SYNE2: variants seen among roughly 807,000 people sequenced by gnomAD.
The protein encoded by SYNE2 is nesprin-2.
A neutral mutation model predicts 856.3 loss-of-function variants in SYNE2; 431 were observed. That is an observed-to-expected ratio of 0.50 (90% confidence interval 0.47 to 0.55). The LOEUF is 0.55. Ranked by LOEUF, SYNE2 falls within the 20% of genes least tolerant of loss-of-function variation. SYNE2 has a pLI of 0.00. For synonymous variants in SYNE2, 2,923 were observed against 2,872.3 expected (o/e 1.02, Z -0.56); for missense variants, 8,129 against 8,023.2 (o/e 1.01, Z -0.50).
chr14:63,774,688 C>T (rs1367608391), intron 1 of SYNE2, among the ~76,000 whole-genome samples: 3 of 151,800 alleles, frequency 2.0e-5, no homozygotes, highest in East Asian at 3.9e-4. Context: ...ATGTGCATTA[C>T]TACACTTGGC....
intron 45 of SYNE2, among the ~76,000 whole-genome samples, chr14:64,035,515 ATTTTTT>A (rs35030710): frequency 3.3e-5 from 4 of 121,712 alleles, no homozygotes; most frequent in Non-Finnish European, 5.0e-5. Context: ...TACATGGTAC[ATTTTTT>A]TTTTTTTTTT....
chr14:63,941,848 A>AT, intron 4 of SYNE2, 37 bp from the exon 5 acceptor site: 1 of 1,612,126 alleles, frequency 6.2e-7, no homozygotes, highest in Middle Eastern at 1.7e-4. Context: ...TATGTATTTC[A>AT]TTTTTTCTGA....
At chr14:64,083,521 T>C (rs999159218) in intron 57 of SYNE2, among the ~76,000 whole-genome samples, 15 of 152,176 alleles carry the variant, frequency 9.9e-5, no homozygotes, top group African/African-American at 3.6e-4. Context: ...ACATTCTAAA[T>C]TGCTAGACTT....
chr14:64,115,550 T>C (rs2097847866), intron 66 of SYNE2, among the ~76,000 whole-genome samples: 1 of 152,072 alleles, frequency 6.6e-6, no homozygotes. Flanking sequence ...CTGGCAGATG[T>C]TGGGTGCAGT....
At chr14:64,163,005 G>A (rs750911158) in intron 88 of SYNE2, among the ~76,000 whole-genome samples, 1 of 152,198 alleles carries the variant, frequency 6.6e-6, no homozygotes, top group Non-Finnish European at 1.5e-5. Context: ...TATAGTTTCT[G>A]CACGTGAATC....
At position 64,080,543 on chromosome 14, in the gene SYNE2, C is replaced by T; in HGVS notation, c.11251C>T (p.Gln3751Ter). Residue 3751 changes from glutamine (Q) to a stop codon, truncating the protein, a stop_gained, in exon 56 of 116, where the codon CAG becomes TAG. Coordinates refer to ENST00000555002, the MANE Select transcript of SYNE2 (RefSeq NM_182914.3). LOFTEE classifies it high-confidence loss of function. ...VQDIVEQDPG[Q>*]AQEWMDNLMI... ...GGACATTGTTGAACAGGACCCAGGA[C>T]AGGCTCAAGAATGGATGGATAACTT... 6.2e-7 allele frequency: 1 copy of T among 1,614,166 alleles called. No homozygotes were observed. The highest frequency in any genetic ancestry group is 8.5e-7 in the Non-Finnish European group (1 of 1,180,036).
intron 1 of SYNE2, among the ~76,000 whole-genome samples, chr14:63,775,065 C>G (rs1887060769): frequency 6.6e-6 from 1 of 152,156 alleles, no homozygotes; most frequent in Non-Finnish European, 1.5e-5. Flanking sequence ...CAACCTCCAC[C>G]TCTTGGGTTC....
chr14:64,216,004 G>C, intron 107 of SYNE2: 1 of 1,428,966 alleles, frequency 7.0e-7, no homozygotes, highest in Non-Finnish European at 9.2e-7. Flanking sequence ...GCTCCAAAAC[G>C]CCACTCATCC....
At chr14:64,136,643 C>T (rs1404305807) in intron 78 of SYNE2, among the ~76,000 whole-genome samples, 2 of 152,130 alleles carry the variant, frequency 1.3e-5, no homozygotes, top group Non-Finnish European at 2.9e-5. Context: ...CAAAGAATTT[C>T]ATTTTTCTTT....
chr14:63,802,771 C>T (rs938346129), intron 1 of SYNE2, among the ~76,000 whole-genome samples: 6 of 152,178 alleles, frequency 3.9e-5, no homozygotes, highest in Admixed American at 3.3e-4. Flanking sequence ...TTCGTGGTCT[C>T]GCTGGCTCAG....
chr14:64,151,412 A>G (rs2098240682), intron 84 of SYNE2, among the ~76,000 whole-genome samples: 1 of 126,692 alleles, frequency 7.9e-6, no homozygotes, highest in Non-Finnish European at 1.6e-5. Flanking sequence ...TGATTCTTAC[A>G]AAGGATTTAA....
intron 89 of SYNE2, among the ~76,000 whole-genome samples, chr14:64,164,473 T>C (rs941367933): frequency 2.6e-5 from 4 of 152,172 alleles, no homozygotes; most frequent in African/African-American, 7.2e-5. Context: ...GGTCTTGAAC[T>C]CCTGGCCTCA....
intron 1 of SYNE2, among the ~76,000 whole-genome samples, chr14:63,859,351 T>G (rs1375297016): frequency 6.6e-6 from 1 of 152,198 alleles, no homozygotes; most frequent in East Asian, 1.9e-4. Context: ...TATTTTTCCC[T>G]TCTACTTTTG....
intron 94 of SYNE2, among the ~76,000 whole-genome samples, chr14:64,172,237 C>A (rs143849305): frequency 6.6e-6 from 1 of 152,220 alleles, no homozygotes; most frequent in African/African-American, 2.4e-5. Flanking sequence ...ACTTACCTAT[C>A]GCTGCATAAT....
At chr14:64,127,304 G>A (rs1160490312) in intron 73 of SYNE2, among the ~76,000 whole-genome samples, 2 of 152,010 alleles carry the variant, frequency 1.3e-5, no homozygotes, top group African/African-American at 2.4e-5. Flanking sequence ...ACCGAGCGTA[G>A]TAGCTCATGC....
In SYNE2 at chr14:64,138,959, G is replaced by A. The variant is rs1436629764; in HGVS notation, c.14843+976G>A. Reference sequence around the variant, plus strand: ...GTGTGTATGTATGGTGTGTGTGTGTGTGTGTGTGTGTGTGTGTGTGTATGT... The same window carrying A: ...GTGTGTATGTATGGTGTGTGTGTGTATGTGTGTGTGTGTGTGTGTGTATGT... On this transcript the variant is annotated intron_variant, in intron 79 of 115. Coordinates refer to ENST00000555002, the MANE Select transcript of SYNE2 (RefSeq NM_182914.3). Among the ~76,000 whole-genome samples the A allele has an allele frequency of 1.0e-4, 12 of 116,822 alleles. No homozygotes were observed. The East Asian group carries it at 5.4e-3, about 53-fold the overall frequency. 76.6% of individuals were successfully genotyped at this position (116,822 alleles called of 152,430 possible).
chr14:64,088,552 T>C (rs796852499), intron 58 of SYNE2, among the ~76,000 whole-genome samples: 25 of 152,296 alleles, frequency 1.6e-4, no homozygotes, highest in African/African-American at 5.5e-4. Flanking sequence ...AGAAGGATAA[T>C]GTGAGCACAG....
intron 11 of SYNE2, among the ~76,000 whole-genome samples, chr14:63,970,151 G>A (rs1207026008): frequency 6.6e-6 from 1 of 151,656 alleles, no homozygotes; most frequent in East Asian, 1.9e-4. Context: ...CTCTATAAAT[G>A]ACACCGTTGT....
chr14:64,005,552 C>T (rs1028105223), intron 30 of SYNE2, among the ~76,000 whole-genome samples: 2 of 152,090 alleles, frequency 1.3e-5, no homozygotes, highest in African/African-American at 4.8e-5. Context: ...GAGTAAGAAC[C>T]GAGTTACCAT....
Sources: gnomAD v4.1 joint callset for allele counts (sites outside exome capture counted in the v4.1 genomes callset) on GRCh38, gnomAD v4.1.1 for gene constraint, MANE v1.5 for transcripts, NCBI Gene and HGNC (gene_info 2026-07-23, HGNC 2026-07-21) for gene names.